The following SNX25 variants were observed in gnomAD, a reference collection of about 807,000 sequenced individuals.
The protein encoded by SNX25 is sorting nexin 25.
In SNX25, 62 loss-of-function variants were observed where a neutral mutation model predicts 113.7. That is an observed-to-expected ratio of 0.55 (90% CI 0.44 to 0.67). The LOEUF is 0.67. Among genes scored for constraint, SNX25 ranks in the 30% least tolerant of loss-of-function variants. The pLI is 0.00. For missense variants in SNX25, 1,014 were observed against 1,161.0 expected, an observed-to-expected ratio of 0.87 and a Z score of 1.84; for synonymous variants, 421 against 436.2, an observed-to-expected ratio of 0.97 and a Z score of 0.43.
intron 13 of SNX25, among the ~76,000 whole-genome samples, chr4:185,348,571 A>G (rs1029196171): frequency 4.1e-4 from 63 of 152,036 alleles, no homozygotes; most frequent in African/African-American, 1.5e-3. Flanking sequence ...TAATTTTTGT[A>G]TCTTTAGTAG....
chr4:185,313,954 TACTC>T (rs1367446081), intron 7 of SNX25, among the ~76,000 whole-genome samples: 2 of 152,194 alleles, frequency 1.3e-5, no homozygotes, highest in Admixed American at 1.3e-4. Context: ...ATATTTTTAC[TACTC>T]ACTAAGTGGA....
intron 13 of SNX25, among the ~76,000 whole-genome samples, chr4:185,349,486 C>T (rs944592438): frequency 6.6e-6 from 1 of 152,124 alleles, no homozygotes; most frequent in East Asian, 1.9e-4. Flanking sequence ...GAGGAGCCTC[C>T]ATACCCTTTT....
At position 185,310,658 on chromosome 4, in the gene SNX25, G is replaced by A; in HGVS notation, c.1186G>A (p.Ala396Thr). The change falls in exon 7 of 19, where the codon GCT (alanine) becomes ACT (threonine). Residue 396 changes from alanine to threonine, a missense_variant. Transcript: ENST00000652585. ...HKGKETAAMK[A>T]DLLRARNMKR... Reference sequence around the variant, plus strand: ...AGGTAAAGAAACTGCGGCAATGAAAGCTGATCTCCTGAGGGCCAGGAACAT... The same window carrying A: ...AGGTAAAGAAACTGCGGCAATGAAAACTGATCTCCTGAGGGCCAGGAACAT... 6.2e-7 allele frequency: 1 copy of A among 1,613,300 alleles called. No individual in the cohort carries two copies. Among genetic ancestry groups the A allele is most frequent in the Non-Finnish European group, 8.5e-7 (1 of 1,179,672 alleles).
chr4:185,313,722 G>A (rs984774412), intron 7 of SNX25, among the ~76,000 whole-genome samples: 1 of 152,092 alleles, frequency 6.6e-6, no homozygotes, highest in Non-Finnish European at 1.5e-5. Context: ...AACAATGTGG[G>A]GGTTAGGAGT....
At chr4:185,297,154 G>A (rs539916201) in intron 6 of SNX25, among the ~76,000 whole-genome samples, 3 of 151,982 alleles carry the variant, frequency 2.0e-5, no homozygotes, top group Non-Finnish European at 2.9e-5. Context: ...TTTTATACCC[G>A]TGCTGCCTAA....
intron 11 of SNX25, among the ~76,000 whole-genome samples, chr4:185,340,514 C>T (rs1345595226): frequency 5.3e-5 from 8 of 152,114 alleles, no homozygotes; most frequent in African/African-American, 1.9e-4. Flanking sequence ...AGGTCATGCC[C>T]AGCCTCAGAC....
Position 185,247,337 on chromosome 4 carries a change from G to A in SNX25, c.473G>A (p.Arg158Lys), listed in dbSNP as rs1745005581. 6.2e-7 allele frequency: 1 copy of A among 1,611,600 alleles called. No homozygotes were observed. Among genetic ancestry groups the A allele is most frequent in the African/African-American group, 1.3e-5 (1 of 74,880 alleles). The change falls in exon 2 of 19, where the codon AGG becomes AAG. Residue 158 changes from arginine (R) to lysine (K), a missense_variant. By Grantham distance (26) the Arg-to-Lys change is conservative. Coordinates refer to ENST00000652585, the MANE Select transcript of SNX25 (RefSeq NM_001378034.2). Reference sequence around the variant, plus strand: ...TCACATGAGTCAGCTCAGTCTAGAAGGGTAGTAATTTCTCATAATATGGAT... The same window carrying A: ...TCACATGAGTCAGCTCAGTCTAGAAAGGTAGTAATTTCTCATAATATGGAT... Reference protein sequence around the residue: ...GNSHESAQSRRVVISHNMDKA... With the variant: ...GNSHESAQSRKVVISHNMDKA...
At chr4:185,354,147 C>G (rs577348736) in intron 15 of SNX25, among the ~76,000 whole-genome samples, 59 of 152,254 alleles carry the variant, frequency 3.9e-4, no homozygotes, top group African/African-American at 1.4e-3. Flanking sequence ...TTTACTCTGC[C>G]CCATGTTCCT....
chr4:185,377,272 A>G, the SNX25 span: 1 of 379,936 alleles, frequency 2.6e-6, no homozygotes, highest in South Asian at 3.7e-5. Flanking sequence ...AAATCTCAGC[A>G]CTCTGGGAGG....
At chr4:185,213,168 AC>A (rs1456697621) in intron 1 of SNX25, among the ~76,000 whole-genome samples, 4 of 152,214 alleles carry the variant, frequency 2.6e-5, no homozygotes, top group Non-Finnish European at 5.9e-5. Flanking sequence ...GTTATCACTT[AC>A]ACCTAGCAGG....
At chr4:185,275,752 A>G (rs1317849001) in intron 5 of SNX25, among the ~76,000 whole-genome samples, 1 of 152,236 alleles carries the variant, frequency 6.6e-6, no homozygotes, top group Non-Finnish European at 1.5e-5. Context: ...CCTCCATACA[A>G]ACTAATACAT....
At chr4:185,331,049 A>G (rs2095191010) in intron 9 of SNX25, among the ~76,000 whole-genome samples, 1 of 152,224 alleles carries the variant, frequency 6.6e-6, no homozygotes, top group Non-Finnish European at 1.5e-5. Flanking sequence ...GTAACAATAA[A>G]CAAATAGGAA....
chr4:185,370,947 G>A, downstream of SNX25: 1 of 959,292 alleles, frequency 1.0e-6, no homozygotes, highest in Non-Finnish European at 1.6e-6. Context: ...GTTGTTTGCT[G>A]TGTGGGGAAG....
chr4:185,367,549 G>A (rs1320621448), downstream of SNX25, among the ~76,000 whole-genome samples: 2 of 152,146 alleles, frequency 1.3e-5, no homozygotes, highest in East Asian at 3.8e-4. Context: ...AAAATGGAGA[G>A]CATTAACATT....
downstream of SNX25, chr4:185,374,285 C>T (rs1452297760): frequency 6.2e-7 from 1 of 1,613,968 alleles, no homozygotes; most frequent in African/African-American, 1.3e-5. Context: ...TCAGCATTTC[C>T]TTCAAACCTA....
At position 185,347,500 on chromosome 4, in the gene SNX25, C is replaced by T. The variant is rs551233938; in HGVS notation, c.2301+850C>T. 1.4e-3 allele frequency among the ~76,000 whole-genome samples: 209 copies of T among 151,496 alleles called. 2 individuals carry two copies. The highest frequency in any genetic ancestry group is 0.01 in the Middle Eastern group (3 of 292). ...TTTGTTTTGTTTTGAGACGGAGTTT[C>T]GCTCTTGTTGCCCAGGCTGGAGTGC... On this transcript the variant is annotated intron_variant, in intron 13 of 18. Transcript: ENST00000652585.
At chr4:185,314,634 C>T (rs1312661251) in intron 7 of SNX25, among the ~76,000 whole-genome samples, 8 of 151,442 alleles carry the variant, frequency 5.3e-5, no homozygotes, top group African/African-American at 1.9e-4. Flanking sequence ...CTGAGGCAGG[C>T]GGATCACGAG....
chr4:185,212,494 T>TTTG (rs751413413), intron 1 of SNX25, among the ~76,000 whole-genome samples: 7 of 133,700 alleles, frequency 5.2e-5, no homozygotes, highest in East Asian at 2.0e-4. Context: ...TGTGTGTGTT[T>TTTG]TTTTTTTTTT....
rs1015572939 is a variant in SNX25 at position 185,287,171 on chromosome 4, C to A, written c.1092-841C>A. ...TTTGTAAAGCCCAATTGAATTTATG[C>A]TCAAAATAGCTACAACTCCAGGGTT... On this transcript the variant is annotated intron_variant, in intron 5 of 18. Coordinates refer to ENST00000652585, the MANE Select transcript of SNX25 (RefSeq NM_001378034.2). Among the ~76,000 whole-genome samples the A allele has an allele frequency of 3.3e-5, 5 of 152,174 alleles. No individual in the cohort carries two copies. The East Asian group carries it at 9.6e-4, about 29-fold the overall frequency.
Sources: allele counts gnomAD v4.1 joint callset (sites outside exome capture counted in the v4.1 genomes callset), GRCh38; gene constraint gnomAD v4.1.1; transcripts MANE v1.5; gene names NCBI Gene and HGNC (gene_info 2026-07-23, HGNC 2026-07-21).